The following CD99L2 variants were observed in gnomAD, a reference collection of about 807,000 sequenced individuals.
CD99L2 encodes the protein CD99 antigen-like protein 2.
CD99L2 carries 24 observed loss-of-function variants against 27.3 expected under a neutral mutation model. The ratio of observed to expected loss-of-function variants is 0.88; its 90% CI spans 0.64 to 1.24. CD99L2 has a LOEUF of 1.24. Ranked by LOEUF, CD99L2 falls within the 50% of genes most tolerant of loss-of-function variation. The pLI, the probability that CD99L2 is intolerant of heterozygous loss-of-function variation, is 0.00. For missense variants in CD99L2, 255 were observed against 221.6 expected, an observed-to-expected ratio of 1.15 and a Z score of -0.96; for synonymous variants, 97 against 87.9, an observed-to-expected ratio of 1.10 and a Z score of -0.58.
intron 4 of CD99L2, among the ~76,000 whole-genome samples, chrX:150,811,647 C>T (rs1395098080): frequency 9.0e-6 from 1 of 111,161 alleles, no homozygotes; most frequent in African/African-American, 3.3e-5. Flanking sequence ...TGCAAAAATC[C>T]TCAACAAAAT....
rs374603167 is a variant in CD99L2, at chrX:150,778,685, AATATATAT to A, written c.497-1211_497-1204del. 7.4e-4 allele frequency among the ~76,000 whole-genome samples: 60 copies of A among 81,492 alleles called. No homozygotes were observed. In the South Asian group the frequency reaches 7.6e-3, roughly 10 times the overall value. The allele number at this position is 81,492 out of a possible 115,157, so 70.8% of individuals were successfully genotyped here. On this transcript the variant is annotated intron_variant, in intron 7 of 10. Coordinates refer to ENST00000370377, the MANE Select transcript of CD99L2 (RefSeq NM_031462.4). ...ACTTAAAGTATAATAAAAAAAAAAA[AATATATAT>A]ATATATATATATATATAAATAAAAG...
Position 150,768,979 on chromosome X carries a change from G to A in CD99L2, c.*55C>T. 1 of 1,111,220 alleles carries A rather than the reference G, an allele frequency of 9.0e-7. No individual in the cohort carries two copies. The allele number at this position is 1,111,220 out of a possible 1,213,427, so 91.6% of individuals were successfully genotyped here. A position where few individuals can be genotyped will look rare whatever the true frequency, so the allele number is the denominator to read the frequency against. On this transcript the variant is annotated 3_prime_UTR_variant, in exon 11 of 11. Transcript: ENST00000370377. ...GCGGGTCCAAATGAAGGGGTGGGGG[G>A]AGCCGGGTGACAAGCGGTGGCACCA...
chrX:150,897,557 T>C (rs868942077), intron 1 of CD99L2, among the ~76,000 whole-genome samples: 2 of 100,111 alleles, frequency 2.0e-5, no homozygotes, highest in African/African-American at 7.9e-5. Context: ...GTGTGTGTGT[T>C]TCCTGAGCTC....
intron 1 of CD99L2, among the ~76,000 whole-genome samples, chrX:150,855,219 T>G (rs1270192386): frequency 8.9e-6 from 1 of 112,128 alleles, no homozygotes; most frequent in Non-Finnish European, 1.9e-5. Flanking sequence ...TCACTACAGA[T>G]GTAATGAGTT....
At chrX:150,801,734 T>C (rs1217000390) in intron 4 of CD99L2, among the ~76,000 whole-genome samples, 1 of 111,690 alleles carries the variant, frequency 9.0e-6, no homozygotes, top group Non-Finnish European at 1.9e-5. Context: ...GCATGAAAAA[T>C]GGAATTTATT....
At chrX:150,771,964 A>C in intron 9 of CD99L2, 2 of 625,064 alleles carry the variant, frequency 3.2e-6, no homozygotes, top group Non-Finnish European at 5.0e-6. Flanking sequence ...AGAGGCCGAG[A>C]GCACCTGAGG....
At chrX:150,820,218 A>G (rs2046224231) in intron 2 of CD99L2, among the ~76,000 whole-genome samples, 1 of 109,359 alleles carries the variant, frequency 9.1e-6, no homozygotes, top group African/African-American at 3.3e-5. Flanking sequence ...AGTTCAACAC[A>G]GTAAAATCAA....
At chrX:150,796,798 C>T (rs1248988719) in intron 4 of CD99L2, among the ~76,000 whole-genome samples, 5 of 112,132 alleles carry the variant, frequency 4.5e-5, no homozygotes, top group Non-Finnish European at 9.4e-5. Flanking sequence ...AGAGAGGTAT[C>T]ATTGATTATA....
intron 4 of CD99L2, among the ~76,000 whole-genome samples, chrX:150,813,347 G>A (rs1235189080): frequency 9.0e-6 from 1 of 111,515 alleles, no homozygotes; most frequent in Non-Finnish European, 1.9e-5. Flanking sequence ...CTGGGTGAAG[G>A]GTACAAGGGG....
chrX:150,879,657 C>A (rs2047289622), intron 1 of CD99L2, among the ~76,000 whole-genome samples: 1 of 104,503 alleles, frequency 9.6e-6, no homozygotes, highest in African/African-American at 3.5e-5. Context: ...CTTGTAATCC[C>A]AGCACTTTGG....
intron 9 of CD99L2, among the ~76,000 whole-genome samples, chrX:150,773,381 G>A (rs1266452740): frequency 1.8e-5 from 2 of 113,037 alleles, no homozygotes; most frequent in Non-Finnish European, 3.7e-5. Context: ...CACGATGCCC[G>A]GGACACTGCT....
chrX:150,782,847 A>G (rs1174762163), intron 7 of CD99L2, among the ~76,000 whole-genome samples: 3 of 111,081 alleles, frequency 2.7e-5, no homozygotes, highest in Admixed American at 1.9e-4. Flanking sequence ...GTTTCAACAC[A>G]TGAATTTTCA....
intron 1 of CD99L2, among the ~76,000 whole-genome samples, chrX:150,848,119 C>CCG (rs1557421508): frequency 2.8e-5 from 3 of 107,339 alleles, no homozygotes; most frequent in Admixed American, 9.9e-5. Context: ...AGGCCCCCCC[C>CCG]CCCTTGTACT....
At chrX:150,793,486 G>T (rs1350398614) in intron 7 of CD99L2, among the ~76,000 whole-genome samples, 3 of 112,231 alleles carry the variant, frequency 2.7e-5, no homozygotes, top group Non-Finnish European at 5.6e-5. Flanking sequence ...AGGAACATCA[G>T]GGGAAATGTG....
chrX:150,872,676 C>T (rs142130012), intron 1 of CD99L2, among the ~76,000 whole-genome samples: 2,703 of 106,236 alleles, frequency 0.025, 97 homozygotes, highest in African/African-American at 0.089. Context: ...AAAAAAAAAT[C>T]CCCCACTACT....
intron 2 of CD99L2, among the ~76,000 whole-genome samples, chrX:150,824,194 A>AGAAGAGGAGGAG (rs2046297266): frequency 3.2e-5 from 1 of 30,978 alleles, no homozygotes; most frequent in Non-Finnish European, 7.9e-5. Flanking sequence ...AGGAGGAAGA[A>AGAAGAGGAGGAG]GAAGAGGAGG....
chrX:150,849,909 T>C (rs1423849419), intron 1 of CD99L2, among the ~76,000 whole-genome samples: 1 of 111,411 alleles, frequency 9.0e-6, no homozygotes, highest in East Asian at 2.8e-4. Context: ...GGCCCACATC[T>C]GCTTGATCTG....
At chrX:150,802,583 A>T (rs1259485809) in intron 4 of CD99L2, among the ~76,000 whole-genome samples, 1 of 84,917 alleles carries the variant, frequency 1.2e-5, no homozygotes, top group Non-Finnish European at 2.3e-5. Flanking sequence ...AGAAAAGACA[A>T]TTTTTTTTTT....
intron 2 of CD99L2, among the ~76,000 whole-genome samples, chrX:150,830,228 C>T (rs893828699): frequency 1.5e-4 from 17 of 110,074 alleles, no homozygotes; most frequent in South Asian, 3.9e-4. Flanking sequence ...CAAAGCTTAG[C>T]ATTTGAGAAA....
Sources: gnomAD v4.1 joint callset for allele counts (sites outside exome capture counted in the v4.1 genomes callset) on GRCh38, gnomAD v4.1.1 for gene constraint, MANE v1.5 for transcripts, NCBI Gene and HGNC (gene_info 2026-07-23, HGNC 2026-07-21) for gene names.